Variants in ATG7 observed in about 807,000 individuals in gnomAD.
ATG7 encodes ubiquitin-like modifier-activating enzyme ATG7.
Under a neutral mutation model 82.4 loss-of-function variants are expected in ATG7, and 70 were observed. The ratio of observed to expected loss-of-function variants is 0.85; its 90% CI spans 0.70 to 1.04. The LOEUF (loss-of-function observed/expected upper bound fraction) is 1.04. Ranked by LOEUF, ATG7 falls within the 50% of genes least tolerant of loss-of-function variation. ATG7 has a pLI of 0.00. For synonymous variants in ATG7, 287 were observed against 313.0 expected, an observed-to-expected ratio of 0.92 and a Z score of 0.88; for missense variants, 792 against 864.3, an observed-to-expected ratio of 0.92 and a Z score of 1.05.
intron 20 of ATG7, among the ~76,000 whole-genome samples, chr3:11,492,380 A>G (rs1271303389): frequency 3.3e-5 from 5 of 152,176 alleles, no homozygotes; most frequent in Admixed American, 6.5e-5. Context: ...CCCTAGTGAG[A>G]TGAACCCAGT....
At chr3:11,376,614 A>G (rs1417941238) in intron 18 of ATG7, among the ~76,000 whole-genome samples, 1 of 152,228 alleles carries the variant, frequency 6.6e-6, no homozygotes, top group East Asian at 1.9e-4. Context: ...GTTGTAGTTC[A>G]GCTTAGCAGT....
At chr3:11,404,739 G>C (rs1476571987) in intron 19 of ATG7, among the ~76,000 whole-genome samples, 1 of 152,112 alleles carries the variant, frequency 6.6e-6, no homozygotes, top group Admixed American at 6.5e-5. Flanking sequence ...ATGGTGGAAA[G>C]CAAAAGGGAA....
chr3:11,553,021 G>A (rs2071965659), intron 20 of ATG7, among the ~76,000 whole-genome samples: 1 of 152,222 alleles, frequency 6.6e-6, no homozygotes, highest in Admixed American at 6.5e-5. Context: ...ACTGCTGTTT[G>A]GTACTGACCC....
intron 20 of ATG7, among the ~76,000 whole-genome samples, chr3:11,517,456 G>A (rs2092315994): frequency 6.6e-6 from 1 of 152,030 alleles, no homozygotes; most frequent in South Asian, 2.1e-4. Context: ...GATTTTTGAG[G>A]CAGTGAATTA....
chr3:11,547,011 C>T (rs975367875), intron 20 of ATG7, among the ~76,000 whole-genome samples: 1 of 152,226 alleles, frequency 6.6e-6, no homozygotes, highest in Admixed American at 6.5e-5. Context: ...CCTGTCCTTT[C>T]GGCTGCCCAG....
chr3:11,276,039 A>G (rs1231049159), intron 1 of ATG7, among the ~76,000 whole-genome samples: 1 of 152,132 alleles, frequency 6.6e-6, no homozygotes, highest in African/African-American at 2.4e-5. Context: ...TGCTTTTGAC[A>G]CTATTACACT....
At chr3:11,562,710 C>A in the ATG7 span, among the ~76,000 whole-genome samples, 1 of 152,266 alleles carries the variant, frequency 6.6e-6, no homozygotes, top group African/African-American at 2.4e-5. Flanking sequence ...CATGTGCTGA[C>A]AGCAGCCACG....
At chr3:11,434,513 T>TGA (rs2083194121) in intron 20 of ATG7, among the ~76,000 whole-genome samples, 1 of 152,044 alleles carries the variant, frequency 6.6e-6, no homozygotes, top group African/African-American at 2.4e-5. Context: ...CTCTCCTGAG[T>TGA]GAGGGAGGAA....
intron 20 of ATG7, among the ~76,000 whole-genome samples, chr3:11,454,743 C>T (rs1458555713): frequency 1.3e-5 from 2 of 152,172 alleles, no homozygotes; most frequent in Non-Finnish European, 2.9e-5. Context: ...GAATGCCTGG[C>T]AGGTAGAAGG....
At chr3:11,277,891 A>AACCCCCC (rs1942170487) in intron 1 of ATG7, among the ~76,000 whole-genome samples, 3 of 60,770 alleles carry the variant, frequency 4.9e-5, no homozygotes, top group Non-Finnish European at 8.6e-5. Flanking sequence ...CCCTTTATAG[A>AACCCCCC]CCCCCCCCCC....
chr3:11,272,651 G>A (rs1335858803), intron 1 of ATG7: 1 of 152,294 alleles, frequency 6.6e-6, no homozygotes, highest in Non-Finnish European at 1.5e-5. Context: ...GTTCAGTCCG[G>A]GGTCTTCTGA....
In ATG7 at chr3:11,456,699, A is replaced by G. The variant is rs557550344; in HGVS notation, c.2079+29773A>G. On this transcript the variant is annotated intron_variant, in intron 20 of 20. Coordinates refer to ENST00000693202, the MANE Select transcript of ATG7 (RefSeq NM_001349232.2). ...CCACTACCGACCACTGTGTCTAACA[A>G]AAGCCACAATTACTGTTTGGACTCA... Among the ~76,000 whole-genome samples, 161 of 152,314 alleles carry G rather than the reference A, an allele frequency of 1.1e-3. 1 individual carries two copies. Among genetic ancestry groups the G allele is most frequent in the Non-Finnish European group, 2.1e-4 (14 of 68,032 alleles).
intron 20 of ATG7, among the ~76,000 whole-genome samples, chr3:11,478,654 C>T (rs2153027984): frequency 6.6e-6 from 1 of 152,192 alleles, no homozygotes; most frequent in South Asian, 2.1e-4. Flanking sequence ...AGCAAAACAG[C>T]AGACTTAAAT....
intron 20 of ATG7, among the ~76,000 whole-genome samples, chr3:11,485,933 T>C (rs375280188): frequency 3.3e-5 from 5 of 152,180 alleles, no homozygotes; most frequent in Non-Finnish European, 7.4e-5. Context: ...CATGCTGTTT[T>C]GGTTACTGTA....
At chr3:11,368,438 C>T (rs2076774731) in intron 18 of ATG7, among the ~76,000 whole-genome samples, 1 of 152,026 alleles carries the variant, frequency 6.6e-6, no homozygotes, top group Non-Finnish European at 1.5e-5. Flanking sequence ...CTGGATGTGA[C>T]AGAAATTAAC....
chr3:11,287,868 A>G (rs1307976200), intron 3 of ATG7, among the ~76,000 whole-genome samples: 1 of 152,236 alleles, frequency 6.6e-6, no homozygotes, highest in Non-Finnish European at 1.5e-5. Context: ...AACAAAATAT[A>G]CTATTGGCAC....
intron 20 of ATG7, among the ~76,000 whole-genome samples, chr3:11,473,433 T>C (rs967952088): frequency 4.6e-5 from 7 of 152,190 alleles, no homozygotes; most frequent in Non-Finnish European, 1.0e-4. Flanking sequence ...CTTAAAAAGA[T>C]GTGGAAAGTA....
intron 20 of ATG7, among the ~76,000 whole-genome samples, chr3:11,491,884 T>A (rs1265424200): frequency 6.6e-6 from 1 of 152,180 alleles, no homozygotes; most frequent in African/African-American, 2.4e-5. Flanking sequence ...ACAGGGACAT[T>A]TAAGTTTGCA....
chr3:11,362,616 C>T (rs2152814990), intron 16 of ATG7, among the ~76,000 whole-genome samples, 197 bp from the exon 17 acceptor site: 1 of 152,296 alleles, frequency 6.6e-6, no homozygotes. Flanking sequence ...CATATCACCT[C>T]ATTTAGTTAC....
Sources: allele counts gnomAD v4.1 joint callset (sites outside exome capture counted in the v4.1 genomes callset), GRCh38; gene constraint gnomAD v4.1.1; transcripts MANE v1.5; gene names NCBI Gene and HGNC (gene_info 2026-07-23, HGNC 2026-07-21).